Variants in ERGIC1 observed in about 807,000 individuals in gnomAD.
The protein encoded by ERGIC1 is endoplasmic reticulum-golgi intermediate compartment 1.
ERGIC1 carries 19 observed loss-of-function variants against 38.3 expected under a neutral mutation model. The ratio of observed to expected loss-of-function variants is 0.50; its 90% confidence interval spans 0.35 to 0.73. The LOEUF is 0.73. ERGIC1 is among the 30% of genes least tolerant of loss of function. The pLI is 0.01. For missense variants in ERGIC1, 294 were observed against 389.2 expected, an observed-to-expected ratio of 0.76 and a Z score of 2.06; for synonymous variants, 124 against 157.6, an observed-to-expected ratio of 0.79 and a Z score of 1.60.
intron 2 of ERGIC1, among the ~76,000 whole-genome samples, chr5:172,893,867 G>GTATATAAATA (rs1762630003): frequency 3.6e-5 from 2 of 56,000 alleles, no homozygotes; most frequent in South Asian, 1.7e-3. Context: ...TCACTTAGGG[G>GTATATAAATA]GATATATATA....
chr5:172,911,835 C>G (rs1388678306), intron 4 of ERGIC1, among the ~76,000 whole-genome samples: 2 of 151,936 alleles, frequency 1.3e-5, no homozygotes, highest in African/African-American at 2.4e-5. Flanking sequence ...TTCAAAAATA[C>G]AAAAATAATA....
At chr5:172,905,824 G>A (rs753623222) in intron 3 of ERGIC1, among the ~76,000 whole-genome samples, 10 of 152,220 alleles carry the variant, frequency 6.6e-5, no homozygotes, top group Non-Finnish European at 1.3e-4. Flanking sequence ...AAAGGGGGTT[G>A]CCCAATCCAG....
At chr5:172,939,556 ACTC>A (rs555570227) in intron 9 of ERGIC1, among the ~76,000 whole-genome samples, 294 of 151,852 alleles carry the variant, frequency 1.9e-3, no homozygotes, top group African/African-American at 6.3e-3. Flanking sequence ...TGCCTCTATG[ACTC>A]CTCCTTCTCT....
Position 172,834,356 on chromosome 5 carries a change from C to G in ERGIC1, c.-58C>G. On this transcript the variant is annotated 5_prime_UTR_variant, in exon 1 of 10. Coordinates refer to ENST00000393784, the MANE Select transcript of ERGIC1 (RefSeq NM_001031711.3). The surrounding 1 kb of genome is among the most constrained non-coding windows in gnomAD (Gnocchi z 4.1). Reference sequence around the variant, plus strand: ...AGGAGGCGTTGGCAGCGGGCTCGGACCCACGCGGCGCCGCGGCCCGCCTGG... The same window carrying G: ...AGGAGGCGTTGGCAGCGGGCTCGGAGCCACGCGGCGCCGCGGCCCGCCTGG... The G allele has an allele frequency of 8.0e-7, 1 of 1,251,694 alleles. No homozygotes were observed. Among genetic ancestry groups the G allele is most frequent in the South Asian group, 2.9e-5 (1 of 34,280 alleles). 77.5% of individuals were successfully genotyped at this position (1,251,694 alleles called of 1,614,324 possible). A position where few individuals can be genotyped will look rare whatever the true frequency, so the allele number is the denominator to read the frequency against.
chr5:172,873,205 C>T (rs906102785), intron 1 of ERGIC1, among the ~76,000 whole-genome samples: 2 of 152,238 alleles, frequency 1.3e-5, no homozygotes, highest in Non-Finnish European at 2.9e-5. Context: ...AGCATCTGCA[C>T]ACAGGATGTT....
chr5:172,926,660 C>T lies in ERGIC1; in HGVS notation c.541+91C>T. Reference sequence around the variant, plus strand: ...AGGGCAGAGAGGTGGGGGTGCCTGTCCAGCACCCACTCCAAGGCAGGGAGG... The same window carrying T: ...AGGGCAGAGAGGTGGGGGTGCCTGTTCAGCACCCACTCCAAGGCAGGGAGG... On this transcript the variant is annotated intron_variant, in intron 7 of 9. Coordinates refer to ENST00000393784, the MANE Select transcript of ERGIC1 (RefSeq NM_001031711.3). This position sits in a 1 kb window ranked among gnomAD's most constrained non-coding sequence, Gnocchi z 5.2. 7.1e-7 allele frequency: 1 copy of T among 1,399,070 alleles called. No individual in the cohort carries two copies. The highest frequency in any genetic ancestry group is 1.2e-5 in the South Asian group (1 of 86,432). The allele number at this position is 1,399,070 out of a possible 1,614,324, so 86.7% of individuals were successfully genotyped here. A position where few individuals can be genotyped will look rare whatever the true frequency, so the allele number is the denominator to read the frequency against.
At chr5:172,854,151 C>T (rs950546586) in intron 1 of ERGIC1, among the ~76,000 whole-genome samples, 5 of 151,180 alleles carry the variant, frequency 3.3e-5, no homozygotes, top group Non-Finnish European at 5.9e-5. Context: ...GAGACCAAGA[C>T]AGGAGGATCA....
At chr5:172,901,684 G>T (rs1243264054) in intron 3 of ERGIC1, among the ~76,000 whole-genome samples, 2 of 152,042 alleles carry the variant, frequency 1.3e-5, no homozygotes, top group East Asian at 1.9e-4. Flanking sequence ...GCTTAATGTA[G>T]CCTCGACCTC....
intron 3 of ERGIC1, chr5:172,897,762 C>T: frequency 2.4e-6 from 1 of 413,602 alleles, no homozygotes; most frequent in Non-Finnish European, 4.4e-6. Flanking sequence ...ATGGGTACAG[C>T]TTCCTACCGG....
At chr5:172,843,035 T>C (rs1425479095) in intron 1 of ERGIC1, among the ~76,000 whole-genome samples, 2 of 152,042 alleles carry the variant, frequency 1.3e-5, no homozygotes, top group Non-Finnish European at 2.9e-5. Context: ...TCCCAGCTAG[T>C]TGGGAGGCTG....
chr5:172,880,946 C>T (rs967035372), intron 1 of ERGIC1, among the ~76,000 whole-genome samples: 1 of 152,214 alleles, frequency 6.6e-6, no homozygotes, highest in Admixed American at 6.5e-5. Flanking sequence ...GCCCATTTTC[C>T]TTTTTAAAAA....
intron 2 of ERGIC1, among the ~76,000 whole-genome samples, chr5:172,892,060 ATGTT>A (rs1405575836): frequency 4.0e-5 from 5 of 125,530 alleles, no homozygotes; most frequent in African/African-American, 9.4e-5. Context: ...GTTAAAGAGT[ATGTT>A]TTTTTTTTTT....
intron 1 of ERGIC1, among the ~76,000 whole-genome samples, chr5:172,866,397 A>C (rs1761862690): frequency 6.6e-6 from 1 of 152,124 alleles, no homozygotes; most frequent in East Asian, 1.9e-4. Context: ...TTTCTGGCCT[A>C]ATTTCCTGTG....
intron 5 of ERGIC1, among the ~76,000 whole-genome samples, chr5:172,919,578 G>A (rs1346390509): frequency 2.0e-5 from 3 of 152,338 alleles, no homozygotes; most frequent in East Asian, 3.9e-4. Context: ...CAAGGATCCC[G>A]GCTACCATGG....
At position 172,896,509 on chromosome 5, in the gene ERGIC1, G is replaced by A. The variant is rs193208536; in HGVS notation, c.83-493G>A. 6.1e-3 allele frequency among the ~76,000 whole-genome samples: 934 copies of A among 152,322 alleles called. 8 individuals are homozygous for A. The highest frequency in any genetic ancestry group is 7.7e-3 in the Non-Finnish European group (526 of 68,030). On this transcript the variant is annotated intron_variant, in intron 2 of 9. Transcript: ENST00000393784. Reference sequence around the variant, plus strand: ...TCTGCCTCAGCCTCAGAACCAGAGAGGCAGAAGGGAGTGGTGGGGCCTGTG... The same window carrying A: ...TCTGCCTCAGCCTCAGAACCAGAGAAGCAGAAGGGAGTGGTGGGGCCTGTG...
chr5:172,926,496 C>T lies in ERGIC1; in HGVS notation c.481-13C>T. ...TGTCCTGGGGACCATCCCCTCACTG[C>T]ATTTTTCCACAGGTCCAGAACATCC... On this transcript the variant is annotated splice_polypyrimidine_tract_variant and intron_variant, in intron 6 of 9. Coordinates refer to ENST00000393784, the MANE Select transcript of ERGIC1 (RefSeq NM_001031711.3). The surrounding 1 kb of genome is among the most constrained non-coding windows in gnomAD (Gnocchi z 5.2). The T allele has an allele frequency of 6.2e-7, 1 of 1,613,780 alleles. No homozygotes were observed. The highest frequency in any genetic ancestry group is 8.5e-7 in the Non-Finnish European group (1 of 1,180,016).
rs1256536597 is a variant in ERGIC1, at chr5:172,837,963, C to G, written c.20+3530C>G. On this transcript the variant is annotated intron_variant, in intron 1 of 9. Transcript: ENST00000393784. This position sits in a 1 kb window ranked among gnomAD's most constrained non-coding sequence, Gnocchi z 4.3. ...GCCCTGTGCCCAGGCCCAGTGGTGC[C>G]TGAGCACTGCCTTCCGGGAGGTGCA... Among the ~76,000 whole-genome samples the G allele has an allele frequency of 2.0e-5, 3 of 152,180 alleles. No homozygotes were observed. The highest frequency in any genetic ancestry group is 3.9e-4 in the East Asian group (2 of 5,176).
Position 172,834,447 on chromosome 5 carries a change from C to T in ERGIC1, c.20+14C>T. The T allele has an allele frequency of 7.5e-7, 1 of 1,324,610 alleles. No individual in the cohort carries two copies. The highest frequency in any genetic ancestry group is 9.7e-7 in the Non-Finnish European group (1 of 1,033,040). 82.1% of individuals were successfully genotyped at this position (1,324,610 alleles called of 1,614,324 possible). A position where few individuals can be genotyped will look rare whatever the true frequency, so the allele number is the denominator to read the frequency against. ...TGACTTCAGGAGGTGAGTGTGGCGA[C>T]CCCGGCCAGTCGGGAGTTCCCTCAG... On this transcript the variant is annotated intron_variant, in intron 1 of 9. Transcript: ENST00000393784. The surrounding 1 kb of genome is among the most constrained non-coding windows in gnomAD (Gnocchi z 4.1).
chr5:172,902,960 C>G (rs1762922041), intron 3 of ERGIC1, among the ~76,000 whole-genome samples: 1 of 152,056 alleles, frequency 6.6e-6, no homozygotes, highest in African/African-American at 2.4e-5. Context: ...CCACCACATT[C>G]CATTTACACT....
Sources: allele counts gnomAD v4.1 joint callset (sites outside exome capture counted in the v4.1 genomes callset), GRCh38; gene constraint gnomAD v4.1.1; non-coding constraint Gnocchi (gnomAD v3.1); transcripts MANE v1.5; gene names NCBI Gene and HGNC (gene_info 2026-07-23, HGNC 2026-07-21).